Variants in UBAC2 observed in about 807,000 individuals in gnomAD.
UBAC2 encodes ubiquitin-associated domain-containing protein 2.
A neutral mutation model predicts 44.0 loss-of-function variants in UBAC2; 26 were observed. That is an observed-to-expected ratio of 0.59 (90% confidence interval 0.43 to 0.82). The LOEUF is 0.82. UBAC2 is among the 40% of genes least tolerant of loss of function. The pLI, the probability that UBAC2 is intolerant of heterozygous loss-of-function variation, is 0.00. For synonymous variants in UBAC2, 155 were observed against 154.3 expected (o/e 1.00, Z -0.04); for missense variants, 329 against 419.4 (o/e 0.78, Z 1.88).
At chr13:99,344,896 G>C (rs1261453808) in intron 7 of UBAC2, among the ~76,000 whole-genome samples, 1 of 152,216 alleles carries the variant, frequency 6.6e-6, no homozygotes, top group Admixed American at 6.5e-5. Flanking sequence ...CCGTGAGTTT[G>C]TGGCCAACTT....
At chr13:99,297,997 AG>A (rs1459958066) in intron 4 of UBAC2, among the ~76,000 whole-genome samples, 2 of 152,170 alleles carry the variant, frequency 1.3e-5, no homozygotes, top group Non-Finnish European at 2.9e-5. Context: ...AGGAATACAG[AG>A]GGTCACTGCA....
chr13:99,333,404 G>A (rs2044744530), intron 6 of UBAC2, among the ~76,000 whole-genome samples: 1 of 152,274 alleles, frequency 6.6e-6, no homozygotes, highest in African/African-American at 2.4e-5. Context: ...ATAAACTTGG[G>A]ACCAAAAAGA....
At chr13:99,258,388 A>G (rs951699277) in intron 4 of UBAC2, 4 of 152,240 alleles carry the variant, frequency 2.6e-5, no homozygotes, top group Non-Finnish European at 5.9e-5. Context: ...TGTCTCTTTC[A>G]GGAAGTGCTC....
chr13:99,309,702 G>T (rs1218074816), intron 4 of UBAC2, among the ~76,000 whole-genome samples: 1 of 152,062 alleles, frequency 6.6e-6, no homozygotes, highest in East Asian at 1.9e-4. Flanking sequence ...CTGGGCTCAA[G>T]TGATCCTCCC....
At chr13:99,328,158 A>T (rs1261377711) in intron 6 of UBAC2, among the ~76,000 whole-genome samples, 3 of 152,234 alleles carry the variant, frequency 2.0e-5, no homozygotes, top group Non-Finnish European at 4.4e-5. Context: ...ACCAATTTTT[A>T]AAATTAATTT....
intron 7 of UBAC2, among the ~76,000 whole-genome samples, chr13:99,362,862 A>G (rs994115283): frequency 3.4e-4 from 52 of 152,234 alleles, no homozygotes; most frequent in African/African-American, 1.2e-3. Context: ...TTCAGTAACA[A>G]TTGAACTTTT....
In UBAC2 at chr13:99,317,884, T is replaced by A. The variant is rs2044513866; in HGVS notation, c.514-138T>A. On this transcript the variant is annotated intron_variant, in intron 5 of 8. Coordinates refer to ENST00000403766, the MANE Select transcript of UBAC2 (RefSeq NM_001144072.2). Reference sequence around the variant, plus strand: ...AGTAACAGTTGATATTTACTAATTTTCCATTTGCTTCTCTGTATTATGGCA... The same window carrying A: ...AGTAACAGTTGATATTTACTAATTTACCATTTGCTTCTCTGTATTATGGCA... The A allele has an allele frequency of 2.4e-5, 14 of 579,618 alleles. No homozygotes were observed. The South Asian group carries it at 3.6e-4, about 15-fold the overall frequency. The allele number at this position is 579,618 out of a possible 1,614,324, so 35.9% of individuals were successfully genotyped here.
intron 1 of UBAC2, among the ~76,000 whole-genome samples, chr13:99,221,303 C>G (rs2043049824): frequency 6.6e-6 from 1 of 152,184 alleles, no homozygotes; most frequent in African/African-American, 2.4e-5. Context: ...ATTTCGTTCA[C>G]AATTACATTT....
At chr13:99,329,327 A>C (rs1416512914) in intron 6 of UBAC2, among the ~76,000 whole-genome samples, 1 of 152,218 alleles carries the variant, frequency 6.6e-6, no homozygotes, top group Non-Finnish European at 1.5e-5. Context: ...TCTTCAAAAA[A>C]AGGGGAAAAG....
Position 99,385,393 on chromosome 13 carries a change from A to G in UBAC2, c.*58A>G. 2 of 1,399,512 alleles carry G rather than the reference A, an allele frequency of 1.4e-6. No individual in the cohort carries two copies. The allele number at this position is 1,399,512 out of a possible 1,614,324, so 86.7% of individuals were successfully genotyped here. A position where few individuals can be genotyped will look rare whatever the true frequency, so the allele number is the denominator to read the frequency against. On this transcript the variant is annotated 3_prime_UTR_variant, in exon 9 of 9. Transcript: ENST00000403766. ...AGCCGAGTGACAGTGCGTGGTCCCC[A>G]CCATCAGATCAGCCCGGGGACCGAG...
intron 4 of UBAC2, among the ~76,000 whole-genome samples, chr13:99,291,655 T>C (rs1351640021): frequency 6.6e-6 from 1 of 152,266 alleles, no homozygotes; most frequent in Non-Finnish European, 1.5e-5. Flanking sequence ...TGTTGGCTAA[T>C]TAGCGCTCTC....
intron 8 of UBAC2, 35 bp from the exon 9 acceptor site, chr13:99,385,193 G>C (rs759601966): frequency 2.7e-6 from 4 of 1,492,174 alleles, no homozygotes; most frequent in Non-Finnish European, 3.7e-6. Flanking sequence ...GGCAATGTCA[G>C]CGCCCTCAGG....
intron 7 of UBAC2, among the ~76,000 whole-genome samples, chr13:99,353,858 C>T (rs1403570499): frequency 6.6e-6 from 1 of 152,112 alleles, no homozygotes; most frequent in South Asian, 2.1e-4. Flanking sequence ...TCGTGCAACC[C>T]CCAAGGTTTC....
chr13:99,254,686 A>G, intron 4 of UBAC2: 1 of 531,672 alleles, frequency 1.9e-6, no homozygotes, highest in Non-Finnish European at 3.2e-6. Context: ...AGGCTTGACT[A>G]GGAAAGAAAA....
intron 7 of UBAC2, among the ~76,000 whole-genome samples, chr13:99,366,395 C>A (rs2045331059): frequency 6.6e-6 from 1 of 152,164 alleles, no homozygotes; most frequent in African/African-American, 2.4e-5. Flanking sequence ...CCATGTAACC[C>A]CAAGGCAAGA....
At chr13:99,272,820 T>C (rs1236492197) in intron 4 of UBAC2, among the ~76,000 whole-genome samples, 2 of 151,846 alleles carry the variant, frequency 1.3e-5, no homozygotes, top group East Asian at 3.9e-4. Context: ...AATTTAGGGG[T>C]GGGGGGAGAC....
At position 99,230,243 on chromosome 13, in the gene UBAC2, T is replaced by C. The variant is rs1320073305; in HGVS notation, c.32-8184T>C. 2.6e-5 allele frequency among the ~76,000 whole-genome samples: 4 copies of C among 152,036 alleles called. 1 individual carries two copies. The highest frequency in any genetic ancestry group is 5.9e-5 in the Non-Finnish European group (4 of 67,986). ...CTTTGGGAGGCTGAGGTGGGCAGAT[T>C]GCCTGATCTCAGGAGTTCGAGACCA... On this transcript the variant is annotated intron_variant, in intron 1 of 8. Coordinates refer to ENST00000403766, the MANE Select transcript of UBAC2 (RefSeq NM_001144072.2).
chr13:99,300,676 C>T (rs192347850), intron 4 of UBAC2, among the ~76,000 whole-genome samples: 41 of 152,260 alleles, frequency 2.7e-4, no homozygotes, highest in African/African-American at 7.0e-4. Context: ...GCTGGGAATA[C>T]AGAGATGGTA....
intron 4 of UBAC2, chr13:99,312,700 TGA>T (rs1447174578): frequency 6.5e-6 from 1 of 153,226 alleles, no homozygotes; most frequent in East Asian, 1.9e-4. Flanking sequence ...TTGCACAAGC[TGA>T]GTTTCCTAGG....
Sources: allele counts gnomAD v4.1 joint callset (sites outside exome capture counted in the v4.1 genomes callset), GRCh38; gene constraint gnomAD v4.1.1; transcripts MANE v1.5; gene names NCBI Gene and HGNC (gene_info 2026-07-23, HGNC 2026-07-21).